RGS3: variants seen among roughly 807,000 people sequenced by gnomAD.
The protein encoded by RGS3 is regulator of G protein signaling 3, also known as regulator of G-protein signalling 3.
A neutral mutation model predicts 132.6 loss-of-function variants in RGS3; 80 were observed. The observed-to-expected ratio is 0.60, with a 90% CI of 0.50 to 0.73. RGS3 has a LOEUF of 0.73. RGS3 is among the 30% of genes least tolerant of loss of function. RGS3 has a pLI of 0.00. For missense variants in RGS3, 1,382 were observed against 1,530.8 expected, an observed-to-expected ratio of 0.90 and a Z score of 1.62; for synonymous variants, 598 against 620.6, an observed-to-expected ratio of 0.96 and a Z score of 0.54.
intron 7 of RGS3, among the ~76,000 whole-genome samples, chr9:113,491,482 C>T (rs1830520917): frequency 6.6e-6 from 1 of 151,724 alleles, no homozygotes; most frequent in Non-Finnish European, 1.5e-5. Context: ...ATCTCCTGAC[C>T]TCAGGTGATC....
At chr9:113,446,984 G>A (rs976764755) in intron 1 of RGS3, among the ~76,000 whole-genome samples, 2 of 151,642 alleles carry the variant, frequency 1.3e-5, no homozygotes, top group East Asian at 1.9e-4. Flanking sequence ...GGGAGGGGCC[G>A]GATGCGGTGG....
At chr9:113,485,536 A>G (rs1393008427) in intron 6 of RGS3, 89 bp from the exon 5 acceptor site, 2 of 979,984 alleles carry the variant, frequency 2.0e-6, no homozygotes, top group African/African-American at 3.3e-5. Flanking sequence ...TTACTTCCAC[A>G]TTTTTGGAAT....
At chr9:113,512,413 G>T (rs1258414561) in intron 14 of RGS3, among the ~76,000 whole-genome samples, 1 of 152,176 alleles carries the variant, frequency 6.6e-6, no homozygotes, top group Non-Finnish European at 1.5e-5. Flanking sequence ...TCACAGAAGA[G>T]GCAGGAAGTG....
chr9:113,515,483 T>C (rs946806501), intron 15 of RGS3, among the ~76,000 whole-genome samples: 16 of 151,658 alleles, frequency 1.1e-4, no homozygotes, highest in South Asian at 6.2e-4. Flanking sequence ...ACAAAAAAAT[T>C]AGCTGGGTGC....
At chr9:113,508,497 C>T (rs1831246039) in intron 13 of RGS3, 44 bp from the exon 12 acceptor site, 1 of 1,611,204 alleles carries the variant, frequency 6.2e-7, no homozygotes, top group Non-Finnish European at 8.5e-7. Flanking sequence ...GCTGTCCTGC[C>T]CTGTTCCTGG....
At chr9:113,497,394 G>C (rs780357153) in exon 9 of RGS3, 2 of 1,613,208 alleles carry the variant, frequency 1.2e-6, no homozygotes, top group South Asian at 2.2e-5. Flanking sequence ...GGCGACTGCG[G>C]CCGCTGAGAG....
chr9:113,488,728 G>A (rs960824065), intron 7 of RGS3, among the ~76,000 whole-genome samples: 1 of 152,232 alleles, frequency 6.6e-6, no homozygotes, highest in Non-Finnish European at 1.5e-5. Flanking sequence ...CAAACTCACG[G>A]TCACAGTCCC....
chr9:113,466,594 A>G (rs1342665032), intron 3 of RGS3, among the ~76,000 whole-genome samples: 2 of 152,156 alleles, frequency 1.3e-5, no homozygotes, highest in African/African-American at 4.8e-5. Flanking sequence ...CAACTACTCT[A>G]GAGGGATTTT....
chr9:113,470,929 T>C (rs2119185893), intron 3 of RGS3, among the ~76,000 whole-genome samples: 1 of 152,284 alleles, frequency 6.6e-6, no homozygotes, highest in Admixed American at 6.5e-5. Flanking sequence ...TGTGATACTG[T>C]ACCCTAGCCT....
chr9:113,597,263 G>C (rs16906786), exon 25 of RGS3: 8 of 241,402 alleles, frequency 3.3e-5, no homozygotes, highest in Non-Finnish European at 6.4e-5. Flanking sequence ...GAGGCTTCGC[G>C]TTGACCAAGT....
Position 113,452,930 on chromosome 9 carries a change from TATAA to T in RGS3, c.-12-7309_-12-7306del, listed in dbSNP as rs1829280040. ...ATATATTATATATTTATATATAATA[TATAA>T]ATAAAATATATTTATATATGATATA... On this transcript the variant is annotated intron_variant, in intron 1 of 25. Transcript: ENST00000374140. 2.2e-5 allele frequency among the ~76,000 whole-genome samples: 3 copies of T among 137,436 alleles called. No homozygotes were observed. The South Asian group carries it at 6.4e-4, about 29-fold the overall frequency. The allele number at this position is 137,436 out of a possible 152,430, so 90.2% of individuals were successfully genotyped here.
intron 19 of RGS3, among the ~76,000 whole-genome samples, chr9:113,560,954 G>A (rs915252691): frequency 2.0e-5 from 3 of 152,136 alleles, no homozygotes; most frequent in African/African-American, 4.8e-5. Flanking sequence ...CAGGGGCAAG[G>A]GGCTAGTCTT....
At chr9:113,563,397 A>G (rs953618524) in intron 19 of RGS3, among the ~76,000 whole-genome samples, 1 of 151,602 alleles carries the variant, frequency 6.6e-6, no homozygotes, top group Admixed American at 6.6e-5. Context: ...GAAGGTGACA[A>G]CTCAGCTGAA....
intron 17 of RGS3, among the ~76,000 whole-genome samples, chr9:113,525,668 G>T (rs1431408108): frequency 6.6e-6 from 1 of 152,206 alleles, no homozygotes; most frequent in Non-Finnish European, 1.5e-5. Flanking sequence ...TTTCTGGCTG[G>T]TTGGGGCTGG....
chr9:113,463,799 C>A lies in RGS3; in HGVS notation c.415+1598C>A. The A allele has an allele frequency of 1.2e-6, 2 of 1,607,156 alleles. No individual in the cohort carries two copies. Among genetic ancestry groups the A allele is most frequent in the South Asian group, 2.2e-5 (2 of 90,232 alleles). ...CGCTCCTGTCCGGGTCGCAGTGGGACGCCATGGAGCGCTCCCTGCACCGCG... is the reference window on the plus strand; with the variant it reads ...CGCTCCTGTCCGGGTCGCAGTGGGAAGCCATGGAGCGCTCCCTGCACCGCG... On this transcript the variant is annotated intron_variant, in intron 3 of 24. Transcript: ENST00000350696. This position sits in a 1 kb window ranked among gnomAD's most constrained non-coding sequence, Gnocchi z 4.6.
intron 7 of RGS3, among the ~76,000 whole-genome samples, chr9:113,491,217 A>G (rs1830510640): frequency 6.8e-6 from 1 of 147,272 alleles, no homozygotes; most frequent in Non-Finnish European, 1.5e-5. Flanking sequence ...TATATATGTA[A>G]TTAAAGAATG....
intron 7 of RGS3, among the ~76,000 whole-genome samples, chr9:113,489,365 T>A (rs1251823329): frequency 2.0e-5 from 3 of 152,196 alleles, no homozygotes; most frequent in Non-Finnish European, 4.4e-5. Flanking sequence ...AAACAAGATG[T>A]AAATGCAGGC....
At chr9:113,538,808 G>T (rs1165420716) in intron 19 of RGS3, among the ~76,000 whole-genome samples, 3 of 152,136 alleles carry the variant, frequency 2.0e-5, no homozygotes, top group Non-Finnish European at 4.4e-5. Context: ...TGAAGGAGGG[G>T]GCCCAAGTGC....
chr9:113,452,538 G>C (rs1352116477), intron 1 of RGS3, among the ~76,000 whole-genome samples: 2 of 151,158 alleles, frequency 1.3e-5, no homozygotes, highest in African/African-American at 4.9e-5. Context: ...TGACCTTCTT[G>C]GATTTGTGGG....
Sources: gnomAD v4.1 joint callset for allele counts (sites outside exome capture counted in the v4.1 genomes callset) on GRCh38, gnomAD v4.1.1 for gene constraint, Gnocchi (gnomAD v3.1) non-coding constraint, MANE v1.5 for transcripts, NCBI Gene and HGNC (gene_info 2026-07-23, HGNC 2026-07-21) for gene names.